THSD7B: variants seen among roughly 807,000 people sequenced by gnomAD.
The protein encoded by THSD7B is thrombospondin type 1 domain containing 7B.
In THSD7B, 138 loss-of-function variants were observed where a neutral mutation model predicts 213.6. That is an observed-to-expected ratio of 0.65 (90% CI 0.56 to 0.74). The LOEUF (loss-of-function observed/expected upper bound fraction) is 0.74, where lower values mean the gene tolerates loss of function less well. Among genes scored for constraint, THSD7B ranks in the 30% least tolerant of loss-of-function variants. THSD7B has a pLI of 0.00. For missense variants in THSD7B, 1,931 were observed against 1,991.5 expected, an observed-to-expected ratio of 0.97 and a Z score of 0.58; for synonymous variants, 742 against 687.0, an observed-to-expected ratio of 1.08 and a Z score of -1.25.
chr2:137,107,352 C>T (rs2104931053), intron 4 of THSD7B, among the ~76,000 whole-genome samples: 1 of 152,208 alleles, frequency 6.6e-6, no homozygotes, highest in South Asian at 2.1e-4. Context: ...CACATGGACA[C>T]AGGGAGGAGA....
intron 2 of THSD7B, among the ~76,000 whole-genome samples, chr2:137,040,396 CTTCT>C (rs1337030306): frequency 1.1e-5 from 1 of 92,274 alleles, no homozygotes; most frequent in Non-Finnish European, 2.8e-5. Flanking sequence ...CTTTCTTCCT[CTTCT>C]TTTTTTTTTT....
At chr2:137,534,552 A>G (rs912664991) in intron 15 of THSD7B, among the ~76,000 whole-genome samples, 5 of 151,798 alleles carry the variant, frequency 3.3e-5, no homozygotes, top group African/African-American at 7.2e-5. Context: ...TAAATTGTAT[A>G]TAATACTCAA....
intron 1 of THSD7B, among the ~76,000 whole-genome samples, chr2:136,783,655 G>T (rs777699479): frequency 6.6e-6 from 1 of 152,084 alleles, no homozygotes; most frequent in East Asian, 1.9e-4. Flanking sequence ...CCTCCCACCC[G>T]CAATCTCCTG....
At chr2:137,434,219 A>ATGAGG in intron 14 of THSD7B, among the ~76,000 whole-genome samples, 1 of 152,282 alleles carries the variant, frequency 6.6e-6, no homozygotes, top group South Asian at 2.1e-4. Context: ...ACATTTGTTT[A>ATGAGG]TGAGGGTATC....
intron 1 of THSD7B, among the ~76,000 whole-genome samples, chr2:136,836,861 C>G (rs1429212893): frequency 6.6e-6 from 1 of 152,156 alleles, no homozygotes; most frequent in Non-Finnish European, 1.5e-5. Flanking sequence ...GTTGCTCACA[C>G]CCCTCCATGA....
intron 1 of THSD7B, among the ~76,000 whole-genome samples, chr2:136,848,987 A>G (rs1171024240): frequency 1.3e-5 from 2 of 152,112 alleles, no homozygotes; most frequent in East Asian, 3.9e-4. Flanking sequence ...TATTCTAATA[A>G]CCCTGCAAGT....
chr2:136,847,395 A>T (rs1426238514), intron 1 of THSD7B, among the ~76,000 whole-genome samples: 1 of 152,140 alleles, frequency 6.6e-6, no homozygotes, highest in Non-Finnish European at 1.5e-5. Context: ...TTCTATTTGG[A>T]TAGGATTACA....
At chr2:137,598,990 G>A (rs528180768) in intron 17 of THSD7B, among the ~76,000 whole-genome samples, 99 of 148,076 alleles carry the variant, frequency 6.7e-4, no homozygotes, top group African/African-American at 2.2e-3. Context: ...CCACTAACTC[G>A]TCATCTAGCC....
intron 3 of THSD7B, among the ~76,000 whole-genome samples, chr2:137,083,443 A>G (rs1687782840): frequency 6.6e-6 from 1 of 152,124 alleles, no homozygotes; most frequent in Non-Finnish European, 1.5e-5. Flanking sequence ...TAAATTTCAC[A>G]TTGCAGAAGG....
At chr2:137,418,527 A>T (rs774613612) in intron 14 of THSD7B, among the ~76,000 whole-genome samples, 21 of 152,174 alleles carry the variant, frequency 1.4e-4, no homozygotes, top group Non-Finnish European at 2.6e-4. Context: ...ATCACCTTAA[A>T]TATCTTTTCT....
chr2:137,370,473 G>A (rs7602806), intron 12 of THSD7B, among the ~76,000 whole-genome samples: 9 of 152,072 alleles, frequency 5.9e-5, no homozygotes, highest in African/African-American at 1.9e-4. Flanking sequence ...AATGATAAGG[G>A]TTTTGTTTTG....
At chr2:137,103,708 A>G (rs1287407371) in intron 4 of THSD7B, among the ~76,000 whole-genome samples, 5 of 147,132 alleles carry the variant, frequency 3.4e-5, no homozygotes, top group African/African-American at 1.3e-4. Flanking sequence ...AAATAGAAAG[A>G]AAAAAAAAAG....
intron 9 of THSD7B, among the ~76,000 whole-genome samples, chr2:137,238,844 C>T (rs951656345): frequency 8.6e-5 from 13 of 151,758 alleles, no homozygotes; most frequent in East Asian, 3.9e-4. Flanking sequence ...TGAGCCACCG[C>T]GCCCGGCCAT....
At chr2:137,200,814 G>A (rs1317488491) in intron 7 of THSD7B, among the ~76,000 whole-genome samples, 3 of 150,200 alleles carry the variant, frequency 2.0e-5, no homozygotes, top group Non-Finnish European at 4.4e-5. Context: ...GGGGCTACAG[G>A]CACATGCTGC....
At chr2:137,461,377 A>G (rs1481918314) in intron 15 of THSD7B, among the ~76,000 whole-genome samples, 1 of 152,102 alleles carries the variant, frequency 6.6e-6, no homozygotes, top group Non-Finnish European at 1.5e-5. Flanking sequence ...ATATGACCTG[A>G]CACCCTGAAA....
chr2:137,560,224 G>A (rs901224790), intron 15 of THSD7B, among the ~76,000 whole-genome samples: 13 of 152,064 alleles, frequency 8.5e-5, no homozygotes, highest in Admixed American at 7.2e-4. Flanking sequence ...TATACCCAAA[G>A]GATTATAAAT....
intron 2 of THSD7B, among the ~76,000 whole-genome samples, chr2:137,046,801 G>A (rs929691084): frequency 2.0e-5 from 3 of 151,866 alleles, no homozygotes; most frequent in Admixed American, 6.6e-5. Context: ...AAGGAGCTTG[G>A]CTTATTGGGG....
chr2:137,632,844 T>G (rs1366565944), intron 20 of THSD7B, among the ~76,000 whole-genome samples: 1 of 152,200 alleles, frequency 6.6e-6, no homozygotes, highest in Non-Finnish European at 1.5e-5. Flanking sequence ...GATCCTGGCT[T>G]GGACTAGAGT....
chr2:137,661,787 C>T (rs1437383240), intron 25 of THSD7B, among the ~76,000 whole-genome samples: 18 of 152,130 alleles, frequency 1.2e-4, no homozygotes, highest in Non-Finnish European at 1.5e-5. Flanking sequence ...TCCCCCGATT[C>T]TTCCCTTAGG....
Sources: allele counts gnomAD v4.1 joint callset (sites outside exome capture counted in the v4.1 genomes callset), GRCh38; gene constraint gnomAD v4.1.1; transcripts MANE v1.5; gene names NCBI Gene and HGNC (gene_info 2026-07-23, HGNC 2026-07-21).